Variants in CRHR1 observed in about 807,000 individuals in gnomAD.
CRHR1 encodes the protein corticotropin-releasing hormone receptor 1.
Under a neutral mutation model 56.0 loss-of-function variants are expected in CRHR1, and 28 were observed. The observed-to-expected ratio is 0.50, with a 90% CI of 0.37 to 0.69. The LOEUF is 0.69. Ranked by LOEUF, CRHR1 falls within the 30% of genes least tolerant of loss-of-function variation. The pLI is 0.00. For missense variants in CRHR1, 376 were observed against 548.0 expected (o/e 0.69, Z 3.13); for synonymous variants, 195 against 216.5 (o/e 0.90, Z 0.87).
At chr17:45,822,318 T>C (rs2062059068) in intron 4 of CRHR1, among the ~76,000 whole-genome samples, 1 of 152,236 alleles carries the variant, frequency 6.6e-6, no homozygotes, top group African/African-American at 2.4e-5. Flanking sequence ...CTTTGAAGGG[T>C]GATATTTGGC....
intron 4 of CRHR1, among the ~76,000 whole-genome samples, chr17:45,824,079 C>T (rs2062104314): frequency 1.3e-5 from 2 of 152,314 alleles, no homozygotes; most frequent in East Asian, 3.9e-4. Flanking sequence ...AGGGCTCCTC[C>T]TGGACTGGGG....
intron 1 of CRHR1, among the ~76,000 whole-genome samples, chr17:45,791,729 C>G (rs1339996616): frequency 6.6e-6 from 1 of 152,006 alleles, no homozygotes; most frequent in Non-Finnish European, 1.5e-5. Context: ...CCACCACCCC[C>G]AGGGCTGCTC....
At chr17:45,793,840 C>T (rs1017453943) in intron 1 of CRHR1, among the ~76,000 whole-genome samples, 1 of 152,200 alleles carries the variant, frequency 6.6e-6, no homozygotes, top group Non-Finnish European at 1.5e-5. Flanking sequence ...CACATGACCT[C>T]TCTGGACCCT....
intron 1 of CRHR1, among the ~76,000 whole-genome samples, chr17:45,787,308 G>A (rs1053710251): frequency 1.1e-4 from 17 of 152,084 alleles, no homozygotes; most frequent in African/African-American, 4.1e-4. Flanking sequence ...TGAGCACCTC[G>A]GAGTCAGCCA....
intron 3 of CRHR1, among the ~76,000 whole-genome samples, chr17:45,818,115 A>G (rs1392680559): frequency 1.3e-5 from 2 of 152,200 alleles, no homozygotes; most frequent in African/African-American, 4.8e-5. Flanking sequence ...GTCCACTTCC[A>G]GAGTGATCCT....
chr17:45,834,517 G>C (rs1040322096), intron 12 of CRHR1, 107 bp from the exon 13 acceptor site: 5 of 1,339,680 alleles, frequency 3.7e-6, no homozygotes, highest in African/African-American at 2.9e-5. Context: ...CATGTACTCA[G>C]CTGACCTGCA....
Position 45,804,876 on chromosome 17 carries a change from G to A in CRHR1, c.34-2134G>A, listed in dbSNP as rs533633841. On this transcript the variant is annotated intron_variant, in intron 1 of 12. Transcript: ENST00000314537. ...ATCGCCCAGGCTGGAGTGCAGTGGCGTGATCTCGGCTCACTACAACCTCAA... is the reference window on the plus strand; with the variant it reads ...ATCGCCCAGGCTGGAGTGCAGTGGCATGATCTCGGCTCACTACAACCTCAA... 1.5e-4 allele frequency among the ~76,000 whole-genome samples: 23 copies of A among 151,560 alleles called. No homozygotes were observed. In the East Asian group the frequency reaches 3.7e-3, roughly 24 times the overall value.
chr17:45,815,320 G>T (rs1298521144), intron 2 of CRHR1, among the ~76,000 whole-genome samples: 2 of 152,168 alleles, frequency 1.3e-5, no homozygotes, highest in Non-Finnish European at 2.9e-5. Flanking sequence ...TCAGGGGGGT[G>T]CCAGGACTGT....
chr17:45,813,121 T>A (rs564087322), intron 2 of CRHR1, among the ~76,000 whole-genome samples: 2 of 152,222 alleles, frequency 1.3e-5, no homozygotes, highest in African/African-American at 4.8e-5. Flanking sequence ...CCCGAGGCCT[T>A]ATGGGAAGGC....
Position 45,784,881 on chromosome 17 carries a change from C to G in CRHR1, c.33+304C>G, listed in dbSNP as rs2061303805. On this transcript the variant is annotated intron_variant, in intron 1 of 12. Coordinates refer to ENST00000314537, the MANE Select transcript of CRHR1 (RefSeq NM_004382.5). This position sits in a 1 kb window ranked among gnomAD's most constrained non-coding sequence, Gnocchi z 4.2. ...GAATCGCTCTAGGCTCTCGGGCAGA[C>G]GCCTAGGGGAGGGGAGGTTCCACCT... 1.3e-5 allele frequency among the ~76,000 whole-genome samples: 2 copies of G among 152,152 alleles called. No individual in the cohort carries two copies. The highest frequency in any genetic ancestry group is 4.1e-4 in the South Asian group (2 of 4,832).
chr17:45,834,582 G>A (rs1401466643), intron 12 of CRHR1, 42 bp from the exon 13 acceptor site: 1 of 1,573,838 alleles, frequency 6.4e-7, no homozygotes, highest in African/African-American at 1.3e-5. Flanking sequence ...AGGGGGTCCT[G>A]AGCCACAGGC....
intron 2 of CRHR1, among the ~76,000 whole-genome samples, chr17:45,809,733 A>C (rs1359111182): frequency 6.6e-6 from 1 of 152,236 alleles, no homozygotes; most frequent in Non-Finnish European, 1.5e-5. Flanking sequence ...GGCGGCTGGC[A>C]CCGAGCCAGG....
chr17:45,833,936 C>A (rs2062378507), intron 11 of CRHR1, 71 bp from the exon 12 acceptor site: 1 of 1,612,896 alleles, frequency 6.2e-7, no homozygotes, highest in Non-Finnish European at 8.5e-7. Flanking sequence ...CAGGGAGAAG[C>A]AAGGGGCAGC....
chr17:45,809,696 G>A (rs1297282185), intron 2 of CRHR1, among the ~76,000 whole-genome samples: 5 of 152,248 alleles, frequency 3.3e-5, no homozygotes, highest in Non-Finnish European at 4.4e-5. Flanking sequence ...GCGGAGGGGC[G>A]AGACAGATGG....
chr17:45,823,679 A>G (rs2062095180), intron 4 of CRHR1, among the ~76,000 whole-genome samples: 1 of 152,188 alleles, frequency 6.6e-6, no homozygotes, highest in Admixed American at 6.5e-5. Flanking sequence ...GCCCACTGCC[A>G]GGTATCTGGC....
intron 1 of CRHR1, among the ~76,000 whole-genome samples, chr17:45,801,716 GGTTCT>G (rs2061625807): frequency 6.6e-6 from 1 of 152,198 alleles, no homozygotes; most frequent in South Asian, 2.1e-4. Context: ...TTGAAAACTT[GGTTCT>G]GAAAGGAGCG....
intron 4 of CRHR1, 85 bp downstream of exon 4, chr17:45,821,525 G>A (rs2062041792): frequency 1.6e-6 from 2 of 1,248,222 alleles, no homozygotes; most frequent in Non-Finnish European, 2.3e-6. Context: ...TTGGAGTCAG[G>A]GAGCCAGAGG....
chr17:45,805,945 A>G (rs1227568303), intron 1 of CRHR1, among the ~76,000 whole-genome samples: 2 of 152,250 alleles, frequency 1.3e-5, no homozygotes, highest in Non-Finnish European at 2.9e-5. Context: ...ATTGAGTGCA[A>G]TGAACAAAAT....
At chr17:45,793,817 A>G (rs2061469374) in intron 1 of CRHR1, among the ~76,000 whole-genome samples, 1 of 152,164 alleles carries the variant, frequency 6.6e-6, no homozygotes, top group Admixed American at 6.5e-5. Context: ...TGGATGGGTG[A>G]CCTTAGGCAA....
Sources: gnomAD v4.1 joint callset for allele counts (sites outside exome capture counted in the v4.1 genomes callset) on GRCh38, gnomAD v4.1.1 for gene constraint, Gnocchi (gnomAD v3.1) non-coding constraint, MANE v1.5 for transcripts, NCBI Gene and HGNC (gene_info 2026-07-23, HGNC 2026-07-21) for gene names.